Variants in BLTP2 observed in about 807,000 individuals in gnomAD.
BLTP2 encodes bridge-like lipid transfer protein family member 2.
chr17:28,640,669 A>G, the BLTP2 span: 7 of 1,614,108 alleles, frequency 4.3e-6, 1 homozygote, highest in South Asian at 4.4e-5. Context: ...GGCTCAACTA[A>G]GTTTTCTGTC....
the BLTP2 span, chr17:28,615,909 C>A: frequency 2.4e-6 from 3 of 1,226,628 alleles, no homozygotes; most frequent in African/African-American, 3.0e-5. Flanking sequence ...TAGTAACCTA[C>A]AGATACTGAT....
At chr17:28,633,818 G>A in the BLTP2 span, 289 of 1,601,238 alleles carry the variant, frequency 1.8e-4, no homozygotes, top group African/African-American at 3.4e-3. Context: ...CTTCACTCCA[G>A]AAGGGTCTCA....
At chr17:28,639,497 T>G in the BLTP2 span, 5 of 1,613,548 alleles carry the variant, frequency 3.1e-6, no homozygotes, top group Non-Finnish European at 4.2e-6. Context: ...GTTTGGGTTT[T>G]ATTTCACAAA....
At chr17:28,633,389 T>A in the BLTP2 span, 1 of 1,613,648 alleles carries the variant, frequency 6.2e-7, no homozygotes, top group Non-Finnish European at 8.5e-7. Flanking sequence ...TTTTCAGTTG[T>A]GTTGTATGGA....
the BLTP2 span, chr17:28,643,984 A>T: frequency 1.3e-6 from 2 of 1,516,490 alleles, no homozygotes; most frequent in Non-Finnish European, 1.8e-6. Flanking sequence ...TTCTATTTTT[A>T]AAAAAAGGAA....
chr17:28,635,812 AG>A, the BLTP2 span: 2 of 544,182 alleles, frequency 3.7e-6, no homozygotes, highest in Non-Finnish European at 6.4e-6. Flanking sequence ...CTGACATTTA[AG>A]AGCACTTATA....
the BLTP2 span, chr17:28,641,978 G>A: frequency 2.1e-4 from 345 of 1,614,204 alleles, no homozygotes; most frequent in Middle Eastern, 4.9e-4. Flanking sequence ...AGCATGGAGT[G>A]TCCACACATC....
chr17:28,621,034 T>C, the BLTP2 span: 1,130 of 1,614,210 alleles, frequency 7.0e-4, 14 homozygotes, highest in East Asian at 0.022. Context: ...TCTCAAGAAC[T>C]TCAGGTGGCT....
At chr17:28,634,096 G>A in the BLTP2 span, 2 of 1,613,396 alleles carry the variant, frequency 1.2e-6, no homozygotes, top group African/African-American at 1.3e-5. Flanking sequence ...ACTGTTACCA[G>A]AGGAAGGGTA....
chr17:28,625,334 C>CAAAA, the BLTP2 span, among the ~76,000 whole-genome samples: 32 of 29,026 alleles, frequency 1.1e-3, no homozygotes, highest in Admixed American at 1.4e-3. Context: ...GACTCCGTCT[C>CAAAA]AAAAAAAAAA....
At chr17:28,639,781 T>C in the BLTP2 span, 12 of 1,432,414 alleles carry the variant, frequency 8.4e-6, no homozygotes, top group Middle Eastern at 1.7e-4. Context: ...TCTCAGTATG[T>C]TCCCTCCTTC....
chr17:28,630,475 T>G, the BLTP2 span, among the ~76,000 whole-genome samples: 10 of 143,776 alleles, frequency 7.0e-5, no homozygotes, highest in South Asian at 6.9e-4. Context: ...GTTTTTTTTT[T>G]TTTTTTTTTT....
the BLTP2 span, among the ~76,000 whole-genome samples, chr17:28,641,698 G>A: frequency 2.0e-5 from 3 of 151,156 alleles, no homozygotes; most frequent in African/African-American, 7.3e-5. Flanking sequence ...ACTCATGATA[G>A]GTGCCCACTC....
chr17:28,618,783 C>G, the BLTP2 span: 2 of 1,610,816 alleles, frequency 1.2e-6, no homozygotes, highest in East Asian at 4.5e-5. Context: ...ACCATATACC[C>G]CAGATACCTT....
chr17:28,631,130 T>C, the BLTP2 span, among the ~76,000 whole-genome samples: 6 of 152,184 alleles, frequency 3.9e-5, no homozygotes, highest in Non-Finnish European at 8.8e-5. Flanking sequence ...TATGTGGAGA[T>C]GGGCCTTTGG....
the BLTP2 span, chr17:28,619,856 C>T: frequency 6.2e-7 from 1 of 1,613,852 alleles, no homozygotes. Flanking sequence ...TCTGCAGTGA[C>T]TACCTTCATG....
the BLTP2 span, chr17:28,634,606 A>C: frequency 6.2e-7 from 1 of 1,614,222 alleles, no homozygotes; most frequent in South Asian, 1.1e-5. Flanking sequence ...GCCTGGATCA[A>C]GCTCTTGAAC....
At chr17:28,641,321 T>C in the BLTP2 span, among the ~76,000 whole-genome samples, 1 of 152,168 alleles carries the variant, frequency 6.6e-6, no homozygotes, top group African/African-American at 2.4e-5. Context: ...CAAACCTGTG[T>C]TGTTCAGTGG....
At chr17:28,617,931 C>CTTT in the BLTP2 span, among the ~76,000 whole-genome samples, 18 of 128,688 alleles carry the variant, frequency 1.4e-4, no homozygotes, top group Non-Finnish European at 2.2e-4. Flanking sequence ...ACCCAATTTT[C>CTTT]TTTTTTTTTT....
Sources: gnomAD v4.1 joint callset for allele counts (sites outside exome capture counted in the v4.1 genomes callset) on GRCh38, gnomAD v4.1.1 for gene constraint, MANE v1.5 for transcripts, NCBI Gene and HGNC (gene_info 2026-07-23, HGNC 2026-07-21) for gene names.